Variants in TMCC3 observed in about 807,000 individuals in gnomAD.
The protein encoded by TMCC3 is transmembrane and coiled-coil domain protein 3.
In TMCC3, 28 loss-of-function variants were observed where a neutral mutation model predicts 40.2. That is an observed-to-expected ratio of 0.70 (90% CI 0.52 to 0.95). The LOEUF (loss-of-function observed/expected upper bound fraction) is 0.95, where lower values mean the gene tolerates loss of function less well. Ranked by LOEUF, TMCC3 falls within the 40% of genes least tolerant of loss-of-function variation. The probability of loss-of-function intolerance (pLI) is 0.00; values close to 1 mark genes in which losing one functional copy is unlikely to be tolerated. For missense variants in TMCC3, 554 were observed against 615.2 expected (o/e 0.90, Z 1.05); for synonymous variants, 255 against 248.5 (o/e 1.03, Z -0.25).
intron 1 of TMCC3, among the ~76,000 whole-genome samples, chr12:94,638,326 T>C (rs950362294): frequency 3.9e-5 from 6 of 152,200 alleles, no homozygotes; most frequent in Non-Finnish European, 1.5e-5. Flanking sequence ...ATTAAAAACA[T>C]GAGGACAGCA....
At chr12:94,613,984 A>G (rs2138862074) in intron 1 of TMCC3, 1 of 151,112 alleles carries the variant, frequency 6.6e-6, no homozygotes, top group East Asian at 2.0e-4. Flanking sequence ...GGTCCCAGCT[A>G]CTCGGGAGGC....
In TMCC3 at chr12:94,647,832, C is replaced by T. The variant is rs969329386; in HGVS notation, c.78+2521G>A. Among the ~76,000 whole-genome samples, 10 of 152,334 alleles carry T rather than the reference C, an allele frequency of 6.6e-5. No individual in the cohort carries two copies. In the South Asian group the frequency reaches 1.2e-3, roughly 19 times the overall value. ...GTTGCTTTCCCTTCATTACAACAGA[C>T]TTATTGTAGCCTCAGGACAGACTTG... On this transcript the variant is annotated intron_variant, in intron 1 of 3. Coordinates refer to ENST00000261226, the MANE Select transcript of TMCC3 (RefSeq NM_020698.4).
intron 1 of TMCC3, among the ~76,000 whole-genome samples, chr12:94,591,825 G>C (rs1223183614): frequency 6.6e-6 from 1 of 152,134 alleles, no homozygotes; most frequent in Non-Finnish European, 1.5e-5. Context: ...CTATCCTGGG[G>C]TCACACTTGA....
At chr12:94,641,222 A>T (rs1316648673) in intron 1 of TMCC3, among the ~76,000 whole-genome samples, 1 of 151,810 alleles carries the variant, frequency 6.6e-6, no homozygotes, top group Non-Finnish European at 1.5e-5. Flanking sequence ...AAAAGAAAAG[A>T]AATAAACCAC....
At chr12:94,631,997 T>C (rs1489318182) in intron 1 of TMCC3, among the ~76,000 whole-genome samples, 1 of 152,224 alleles carries the variant, frequency 6.6e-6, no homozygotes, top group Non-Finnish European at 1.5e-5. Flanking sequence ...TCCTGTTACA[T>C]GCAACAACAT....
At position 94,632,471 on chromosome 12, in the gene TMCC3, T is replaced by C. The variant is rs547049122; in HGVS notation, c.78+17882A>G. Among the ~76,000 whole-genome samples, 3 of 152,328 alleles carry C rather than the reference T, an allele frequency of 2.0e-5. No homozygotes were observed. The East Asian group carries it at 5.8e-4, about 29-fold the overall frequency. On this transcript the variant is annotated intron_variant, in intron 1 of 3. Transcript: ENST00000261226. ...CTACATACAAATACCATTCAACACC[T>C]ACATAGACAATCTATCAGCATCATA...
At chr12:94,576,202 G>T (rs924660748) in intron 3 of TMCC3, among the ~76,000 whole-genome samples, 1 of 152,152 alleles carries the variant, frequency 6.6e-6, no homozygotes, top group South Asian at 2.1e-4. Context: ...GCGGTCTCTG[G>T]GGGCAGAATT....
intron 2 of TMCC3, among the ~76,000 whole-genome samples, chr12:94,579,254 C>A (rs1594266703): frequency 6.6e-6 from 1 of 152,308 alleles, no homozygotes; most frequent in East Asian, 1.9e-4. Context: ...CGCCTGTAAT[C>A]CTAACACTCT....
intron 1 of TMCC3, among the ~76,000 whole-genome samples, chr12:94,583,318 A>G (rs1020409667): frequency 2.0e-5 from 3 of 152,022 alleles, no homozygotes; most frequent in African/African-American, 7.2e-5. Context: ...CAGCCTGGCT[A>G]ACATGGTGAA....
chr12:94,567,230 G>A lies in TMCC3; in HGVS notation c.*4205C>T, dbSNP rs766760872. ...GGATTCATTGATGACACCACAATGGGGTGAAGATCTACAGGGAATTTACAA... is the reference window on the plus strand; with the variant it reads ...GGATTCATTGATGACACCACAATGGAGTGAAGATCTACAGGGAATTTACAA... On this transcript the variant is annotated 3_prime_UTR_variant, in exon 4 of 4. Coordinates refer to ENST00000261226, the MANE Select transcript of TMCC3 (RefSeq NM_020698.4). 1.2e-4 allele frequency: 19 copies of A among 152,100 alleles called. No individual in the cohort carries two copies. The highest frequency in any genetic ancestry group is 2.5e-4 in the Non-Finnish European group (17 of 68,014). The allele number at this position is 152,100 out of a possible 1,614,324, so 9.4% of individuals were successfully genotyped here. A position where few individuals can be genotyped will look rare whatever the true frequency, so the allele number is the denominator to read the frequency against.
chr12:94,599,529 G>C (rs1346522661), intron 1 of TMCC3, among the ~76,000 whole-genome samples: 1 of 149,712 alleles, frequency 6.7e-6, no homozygotes, highest in Non-Finnish European at 1.5e-5. Flanking sequence ...CAATGAACCT[G>C]AACAGGAAAG....
intron 1 of TMCC3, among the ~76,000 whole-genome samples, chr12:94,600,455 A>G (rs1424289292): frequency 1.3e-5 from 2 of 152,038 alleles, no homozygotes; most frequent in African/African-American, 2.4e-5. Context: ...TCCCACTTCC[A>G]TCACACTAAA....
chr12:94,642,490 T>G (rs1235730012), intron 1 of TMCC3, among the ~76,000 whole-genome samples: 2 of 152,262 alleles, frequency 1.3e-5, no homozygotes, highest in Non-Finnish European at 2.9e-5. Flanking sequence ...ATGTTTTTAG[T>G]TGGCACAGTC....
chr12:94,604,285 CA>C (rs2068769541), intron 1 of TMCC3, among the ~76,000 whole-genome samples: 1 of 152,146 alleles, frequency 6.6e-6, no homozygotes, highest in African/African-American at 2.4e-5. Context: ...ACACAAAGTA[CA>C]ATTAGGGCTT....
intron 1 of TMCC3, among the ~76,000 whole-genome samples, chr12:94,614,420 G>A (rs1409225604): frequency 6.6e-6 from 1 of 152,144 alleles, no homozygotes; most frequent in Non-Finnish European, 1.5e-5. Flanking sequence ...CCCCCTGGAA[G>A]CAAAAACAAC....
At chr12:94,596,417 T>G (rs2068715551) in intron 1 of TMCC3, among the ~76,000 whole-genome samples, 1 of 152,182 alleles carries the variant, frequency 6.6e-6, no homozygotes, top group Non-Finnish European at 1.5e-5. Context: ...GCTATTTCTA[T>G]GTCTGTTCCT....
intron 1 of TMCC3, chr12:94,590,875 G>C (rs2068670310): frequency 8.7e-6 from 5 of 573,520 alleles, no homozygotes; most frequent in Admixed American, 2.0e-5. Context: ...GGAGCCCCTG[G>C]ATGTTATCGG....
chr12:94,625,700 G>A (rs927407394), intron 1 of TMCC3, among the ~76,000 whole-genome samples: 4 of 151,854 alleles, frequency 2.6e-5, no homozygotes, highest in Non-Finnish European at 2.9e-5. Context: ...GAAAAGTTAC[G>A]CAAGGGTTGA....
intron 1 of TMCC3, among the ~76,000 whole-genome samples, chr12:94,593,600 A>T (rs1390308132): frequency 6.6e-6 from 1 of 151,706 alleles, no homozygotes; most frequent in East Asian, 1.9e-4. Flanking sequence ...ACTGCAAATT[A>T]ATAGTGTAAA....
Sources: gnomAD v4.1 joint callset for allele counts (sites outside exome capture counted in the v4.1 genomes callset) on GRCh38, gnomAD v4.1.1 for gene constraint, MANE v1.5 for transcripts, NCBI Gene and HGNC (gene_info 2026-07-23, HGNC 2026-07-21) for gene names.